KPNA6: variants seen among roughly 807,000 people sequenced by gnomAD.
KPNA6 encodes the protein importin subunit alpha-7.
KPNA6 carries 9 observed loss-of-function variants against 72.0 expected under a neutral mutation model. The ratio of observed to expected loss-of-function variants is 0.13; its 90% CI spans 0.08 to 0.22. KPNA6 has a LOEUF of 0.22. Among genes scored for constraint, KPNA6 ranks in the 10% least tolerant of loss-of-function variants. KPNA6 has a pLI of 1.00. For synonymous variants in KPNA6, 219 were observed against 242.1 expected (o/e 0.90, Z 0.89); for missense variants, 374 against 655.7 (o/e 0.57, Z 4.69).
At chr1:32,113,388 C>T (rs979929597) in intron 1 of KPNA6, among the ~76,000 whole-genome samples, 3 of 152,006 alleles carry the variant, frequency 2.0e-5, no homozygotes, top group African/African-American at 7.2e-5. Context: ...AAGATCTTGT[C>T]TCAAAAAAAC....
At chr1:32,133,447 A>C (rs1035448807) in intron 1 of KPNA6, among the ~76,000 whole-genome samples, 1 of 149,496 alleles carries the variant, frequency 6.7e-6, no homozygotes, top group African/African-American at 2.5e-5. Context: ...TGAGAGGCCA[A>C]GGCCAGAGGA....
chr1:32,133,516 C>CAAAA (rs56850687), intron 1 of KPNA6, among the ~76,000 whole-genome samples: 52 of 43,682 alleles, frequency 1.2e-3, no homozygotes, highest in East Asian at 1.8e-3. Context: ...CTAGTCTCTA[C>CAAAA]AAAAAAAAAA....
At chr1:32,108,182 G>A (rs1191795535) in intron 1 of KPNA6, 48 bp downstream of exon 1, 26 of 1,612,606 alleles carry the variant, frequency 1.6e-5, no homozygotes, top group Non-Finnish European at 2.1e-5. Flanking sequence ...AGGGAGTGTC[G>A]GGGCCTGGGA....
intron 1 of KPNA6, among the ~76,000 whole-genome samples, chr1:32,151,999 T>C (rs1177058498): frequency 6.6e-6 from 1 of 152,094 alleles, no homozygotes; most frequent in Non-Finnish European, 1.5e-5. Context: ...TCACTATCAA[T>C]AAGGAAAACA....
intron 1 of KPNA6, among the ~76,000 whole-genome samples, chr1:32,118,994 A>G (rs200215335): frequency 1.4e-3 from 113 of 79,188 alleles, no homozygotes; most frequent in African/African-American, 6.0e-3. Context: ...GTGTGTGTGT[A>G]TACATATATA....
At position 32,117,993 on chromosome 1, in the gene KPNA6, C is replaced by T. The variant is rs565974990; in HGVS notation, c.4+9859C>T. ...GGCTGGAGTGCAGTGGCACAATCTC[C>T]GCTCACCGCAACCTCTGCCTCCCAG... On this transcript the variant is annotated intron_variant, in intron 1 of 13. Coordinates refer to ENST00000373625, the MANE Select transcript of KPNA6 (RefSeq NM_012316.5). Among the ~76,000 whole-genome samples the T allele has an allele frequency of 2.1e-4, 31 of 150,904 alleles. No homozygotes were observed. The East Asian group carries it at 5.4e-3, about 26-fold the overall frequency.
At chr1:32,140,448 C>T (rs1461283297) in intron 1 of KPNA6, among the ~76,000 whole-genome samples, 1 of 151,804 alleles carries the variant, frequency 6.6e-6, no homozygotes, top group Non-Finnish European at 1.5e-5. Flanking sequence ...GGGCGAAGTG[C>T]CAAGTGATGA....
intron 1 of KPNA6, among the ~76,000 whole-genome samples, chr1:32,134,637 C>CAA (rs777730986): frequency 4.8e-5 from 4 of 83,608 alleles, no homozygotes; most frequent in Admixed American, 1.3e-4. Context: ...GAGTCTGTCT[C>CAA]AAAAAAAAAA....
chr1:32,113,957 A>C (rs540637312), intron 1 of KPNA6, among the ~76,000 whole-genome samples: 1 of 152,232 alleles, frequency 6.6e-6, no homozygotes, highest in Non-Finnish European at 1.5e-5. Flanking sequence ...GCTCCATTGA[A>C]GTCTTGAACC....
chr1:32,161,526 C>T (rs1642238454), intron 7 of KPNA6, among the ~76,000 whole-genome samples: 1 of 152,190 alleles, frequency 6.6e-6, no homozygotes, highest in Non-Finnish European at 1.5e-5. Context: ...TTCTTGGACC[C>T]TTCACAGAAA....
At chr1:32,162,254 T>A (rs761084259) in intron 8 of KPNA6, 107 bp from the exon 9 acceptor site, 9 of 1,121,178 alleles carry the variant, frequency 8.0e-6, no homozygotes, top group Non-Finnish European at 1.2e-5. Context: ...GGTCTGGAAT[T>A]ACTTGTGTGT....
intron 1 of KPNA6, among the ~76,000 whole-genome samples, chr1:32,111,365 A>G (rs1046109167): frequency 3.3e-5 from 5 of 152,212 alleles, no homozygotes; most frequent in Non-Finnish European, 5.9e-5. Context: ...GTACAGTTCA[A>G]CATGAAAGTT....
chr1:32,121,844 G>A (rs1641438020), intron 1 of KPNA6, among the ~76,000 whole-genome samples: 4 of 151,706 alleles, frequency 2.6e-5, no homozygotes, highest in African/African-American at 9.7e-5. Context: ...GTGGTGGTGT[G>A]TACCTGTAAT....
At chr1:32,114,617 C>G (rs181975374) in intron 1 of KPNA6, among the ~76,000 whole-genome samples, 1 of 152,016 alleles carries the variant, frequency 6.6e-6, no homozygotes, top group Non-Finnish European at 1.5e-5. Flanking sequence ...CTTAAAGGCC[C>G]CAGCTGCATT....
intron 1 of KPNA6, among the ~76,000 whole-genome samples, chr1:32,110,032 A>G (rs927325809): frequency 2.0e-5 from 3 of 151,296 alleles, no homozygotes; most frequent in Admixed American, 6.6e-5. Context: ...GTGTGGGGCA[A>G]GCAAAATGAG....
intron 12 of KPNA6, among the ~76,000 whole-genome samples, chr1:32,169,571 C>T (rs924710231): frequency 6.6e-6 from 1 of 150,796 alleles, no homozygotes; most frequent in East Asian, 2.0e-4. Context: ...CTCAGCCTCC[C>T]GAGTAGCTGG....
chr1:32,144,776 G>A (rs1397887870), intron 1 of KPNA6, among the ~76,000 whole-genome samples: 1 of 151,584 alleles, frequency 6.6e-6, no homozygotes, highest in Non-Finnish European at 1.5e-5. Context: ...TCAGCCTCCC[G>A]AGTAGCTGGG....
At chr1:32,123,483 G>T (rs150196943) in intron 1 of KPNA6, among the ~76,000 whole-genome samples, 1 of 152,134 alleles carries the variant, frequency 6.6e-6, no homozygotes, top group Admixed American at 6.6e-5. Flanking sequence ...GCTCATGTCT[G>T]TAATCCCAGC....
intron 1 of KPNA6, among the ~76,000 whole-genome samples, chr1:32,152,579 C>T (rs1050711122): frequency 6.6e-6 from 1 of 152,134 alleles, no homozygotes; most frequent in African/African-American, 2.4e-5. Context: ...GGCACGGTGG[C>T]TCACACCTGT....
Sources: allele counts gnomAD v4.1 joint callset (sites outside exome capture counted in the v4.1 genomes callset), GRCh38; gene constraint gnomAD v4.1.1; transcripts MANE v1.5; gene names NCBI Gene and HGNC (gene_info 2026-07-23, HGNC 2026-07-21).